CELF2: variants seen among roughly 807,000 people sequenced by gnomAD.
CELF2 encodes CUGBP Elav-like family member 2, also known as CUG triplet repeat RNA-binding protein 2.
CELF2 carries 8 observed loss-of-function variants against 62.6 expected under a neutral mutation model. That is an observed-to-expected ratio of 0.13 (90% CI 0.07 to 0.23). The LOEUF (loss-of-function observed/expected upper bound fraction) is 0.23. CELF2 is among the 10% of genes least tolerant of loss of function. The probability of loss-of-function intolerance (pLI) is 1.00; values close to 1 mark genes in which losing one functional copy is unlikely to be tolerated. For missense variants in CELF2, 333 were observed against 671.0 expected (o/e 0.50, Z 5.56); for synonymous variants, 258 against 250.0 (o/e 1.03, Z -0.30).
chr10:10,507,878 A>C, the CELF2 span, among the ~76,000 whole-genome samples: 1 of 152,210 alleles, frequency 6.6e-6, no homozygotes, highest in Non-Finnish European at 1.5e-5. Flanking sequence ...AAGCCCTCAA[A>C]TTTAGTCATT....
chr10:11,328,201 C>G lies in CELF2; in HGVS notation c.1439-725C>G, dbSNP rs879289820. Among the ~76,000 whole-genome samples, 4 of 152,152 alleles carry G rather than the reference C, an allele frequency of 2.6e-5. No individual in the cohort carries two copies. Among genetic ancestry groups the G allele is most frequent in the Non-Finnish European group, 5.9e-5 (4 of 68,034 alleles). ...GTATCCCCCAGACTTTGGGAGATGC[C>G]AGGGAGCAATTTCCTTTCTGCTGAA... On this transcript the variant is annotated intron_variant, in intron 12 of 12. Coordinates refer to ENST00000633077, the MANE Select transcript of CELF2 (RefSeq NM_001326342.2). The surrounding 1 kb of genome is among the most constrained non-coding windows in gnomAD (Gnocchi z 6.4).
chr10:10,613,934 G>A, the CELF2 span, among the ~76,000 whole-genome samples: 1 of 152,142 alleles, frequency 6.6e-6, no homozygotes, highest in Non-Finnish European at 1.5e-5. Flanking sequence ...AAGCATTTTG[G>A]AAACAAGGGC....
At chr10:11,176,842 C>G (rs2071357005) in intron 2 of CELF2, among the ~76,000 whole-genome samples, 1 of 152,180 alleles carries the variant, frequency 6.6e-6, no homozygotes, top group Non-Finnish European at 1.5e-5. Context: ...TCCGCTTTTA[C>G]ATAGCCTCTT....
In CELF2 at chr10:10,957,693, C is replaced by T. The variant is rs901718505; in HGVS notation, c.89+37694C>T. Among the ~76,000 whole-genome samples the T allele has an allele frequency of 6.6e-6, 1 of 152,188 alleles. No homozygotes were observed. The highest frequency in any genetic ancestry group is 2.4e-5 in the African/African-American group (1 of 41,460). On this transcript the variant is annotated intron_variant, in intron 2 of 13. Coordinates refer to the CELF2 transcript ENST00000636488. The surrounding 1 kb of genome is among the most constrained non-coding windows in gnomAD (Gnocchi z 4.1). ...TAATTGGCCAAATTCTCCAGCTTCT[C>T]CTTGCTCACATGTCTTCAAAAGAGT...
intron 1 of CELF2, chr10:10,846,030 A>C (rs989781749): frequency 9.8e-5 from 76 of 778,362 alleles, no homozygotes; most frequent in Non-Finnish European, 1.2e-4. Flanking sequence ...CTGTAAAATG[A>C]CTCATTAACC....
chr10:11,026,769 G>C (rs1164548252), intron 1 of CELF2, among the ~76,000 whole-genome samples: 1 of 152,170 alleles, frequency 6.6e-6, no homozygotes, highest in South Asian at 2.1e-4. Context: ...GGCCACAGCC[G>C]TCTGGGACTT....
In CELF2 at chr10:11,174,096, C is replaced by T. The variant is rs115869017; in HGVS notation, c.271+8414C>T. Among the ~76,000 whole-genome samples the T allele has an allele frequency of 3.3e-3, 497 of 152,150 alleles. 4 individuals are homozygous for T. The highest frequency in any genetic ancestry group is 0.011 in the African/African-American group (467 of 41,488). ...ATTTGTAGTGAACTAGAGCTCTTAC[C>T]TATGTTAAAGAATCAAGGTCTTCAA... On this transcript the variant is annotated intron_variant, in intron 2 of 12. Coordinates refer to ENST00000633077, the MANE Select transcript of CELF2 (RefSeq NM_001326342.2).
chr10:11,101,899 G>A (rs768480660), intron 1 of CELF2, among the ~76,000 whole-genome samples: 4 of 152,160 alleles, frequency 2.6e-5, no homozygotes, highest in Admixed American at 6.5e-5. Context: ...TATCATTATT[G>A]TTGAGGTATC....
intron 1 of CELF2, among the ~76,000 whole-genome samples, chr10:10,818,886 A>G (rs1194857474): frequency 2.0e-5 from 3 of 152,174 alleles, no homozygotes; most frequent in Non-Finnish European, 4.4e-5. Context: ...ACAGCGTGGC[A>G]TATTTCCTTC....
chr10:11,022,760 A>G (rs1463340538), intron 1 of CELF2, among the ~76,000 whole-genome samples: 1 of 152,190 alleles, frequency 6.6e-6, no homozygotes, highest in African/African-American at 2.4e-5. Context: ...GCCAGCGCCC[A>G]ATATGACCCA....
chr10:10,972,428 C>T lies in CELF2; in HGVS notation c.89+52429C>T, dbSNP rs1169113251. Among the ~76,000 whole-genome samples the T allele has an allele frequency of 1.3e-5, 2 of 152,200 alleles. No individual in the cohort carries two copies. The highest frequency in any genetic ancestry group is 2.4e-5 in the African/African-American group (1 of 41,440). ...GGTATTCCCTCTGGGAAATGCTGCT[C>T]TTCAAACTTGATTTCCCCATCCCTC... On this transcript the variant is annotated intron_variant, in intron 2 of 13. Coordinates refer to the CELF2 transcript ENST00000636488. The surrounding 1 kb of genome is among the most constrained non-coding windows in gnomAD (Gnocchi z 4.4).
intron 1 of CELF2, among the ~76,000 whole-genome samples, chr10:11,060,528 TG>T (rs2066470943): frequency 6.6e-6 from 1 of 152,234 alleles, no homozygotes; most frequent in South Asian, 2.1e-4. Context: ...TCTCCTTGGC[TG>T]CTCTTAGAAG....
chr10:10,974,447 G>T (rs561376755), intron 2 of CELF2, among the ~76,000 whole-genome samples: 58 of 152,176 alleles, frequency 3.8e-4, no homozygotes, highest in Non-Finnish European at 7.2e-4. Context: ...AAGGTATTTA[G>T]TGTCTCCATA....
rs1179645868 is a variant in CELF2, at chr10:11,335,854, G to A, written c.*6801G>A. ...AATACTCATGCTAAGCAAAGGAAGA[G>A]AAAGACAAAGCCAGTTTTTGTTGCT... is the stretch of plus-strand genomic sequence containing the variant. On this transcript the variant is annotated 3_prime_UTR_variant, in exon 13 of 13. Coordinates refer to ENST00000633077, the MANE Select transcript of CELF2 (RefSeq NM_001326342.2). This position sits in a 1 kb window ranked among gnomAD's most constrained non-coding sequence, Gnocchi z 5.0. 2.0e-5 allele frequency: 3 copies of A among 152,210 alleles called. No individual in the cohort carries two copies. Among genetic ancestry groups the A allele is most frequent in the Non-Finnish European group, 4.4e-5 (3 of 68,034 alleles). The allele number at this position is 152,210 out of a possible 1,614,324, so 9.4% of individuals were successfully genotyped here.
At chr10:11,277,668 A>C (rs991204615) in intron 8 of CELF2, among the ~76,000 whole-genome samples, 1 of 152,258 alleles carries the variant, frequency 6.6e-6, no homozygotes, top group Non-Finnish European at 1.5e-5. Context: ...AGGAACATTA[A>C]ACTAATGATA....
the CELF2 span, among the ~76,000 whole-genome samples, chr10:10,484,891 C>A: frequency 6.6e-6 from 1 of 152,156 alleles, no homozygotes; most frequent in Non-Finnish European, 1.5e-5. Flanking sequence ...TCTATATCAG[C>A]CCTGAAGAAG....
intron 1 of CELF2, among the ~76,000 whole-genome samples, chr10:11,160,608 C>T (rs1344674753): frequency 1.2e-4 from 17 of 143,146 alleles, no homozygotes; most frequent in African/African-American, 4.2e-4. Flanking sequence ...TTCATGGCAC[C>T]GGGTTGGGTA....
chr10:10,760,445 A>T, the CELF2 span, among the ~76,000 whole-genome samples: 1 of 152,250 alleles, frequency 6.6e-6, no homozygotes, highest in East Asian at 1.9e-4. Flanking sequence ...GATTGCATTC[A>T]TTCATTTATT....
the CELF2 span, among the ~76,000 whole-genome samples, chr10:10,689,801 A>C: frequency 6.6e-6 from 1 of 152,230 alleles, no homozygotes; most frequent in Non-Finnish European, 1.5e-5. Context: ...ACATTATGCA[A>C]CAAATTTAAC....
Sources: allele counts gnomAD v4.1 joint callset (sites outside exome capture counted in the v4.1 genomes callset), GRCh38; gene constraint gnomAD v4.1.1; non-coding constraint Gnocchi (gnomAD v3.1); transcripts MANE v1.5; gene names NCBI Gene and HGNC (gene_info 2026-07-23, HGNC 2026-07-21).